The following FSTL5 variants were observed in gnomAD, a reference collection of about 807,000 sequenced individuals.
FSTL5 encodes the protein follistatin-related protein 5.
FSTL5 carries 62 observed loss-of-function variants against 89.1 expected under a neutral mutation model. That is an observed-to-expected ratio of 0.70 (90% CI 0.57 to 0.86). FSTL5 has a LOEUF of 0.86. Ranked by LOEUF, FSTL5 falls within the 40% of genes least tolerant of loss-of-function variation. The probability of loss-of-function intolerance (pLI) is 0.00; values close to 1 mark genes in which losing one functional copy is unlikely to be tolerated. For synonymous variants in FSTL5, 383 were observed against 346.2 expected (o/e 1.11, Z -1.18); for missense variants, 1,057 against 1,001.6 (o/e 1.06, Z -0.75).
chr4:161,778,867 A>G (rs1294448271), intron 4 of FSTL5, among the ~76,000 whole-genome samples: 1 of 152,228 alleles, frequency 6.6e-6, no homozygotes, highest in Non-Finnish European at 1.5e-5. Context: ...TGCATCAGGA[A>G]GGAGAGAAAT....
At chr4:161,453,694 A>C (rs555344955) in intron 15 of FSTL5, among the ~76,000 whole-genome samples, 2 of 152,150 alleles carry the variant, frequency 1.3e-5, no homozygotes, top group African/African-American at 2.4e-5. Context: ...TCTCAGGATC[A>C]AGCAATCCTC....
chr4:161,947,483 G>A (rs1310627699), intron 3 of FSTL5, among the ~76,000 whole-genome samples: 3 of 152,138 alleles, frequency 2.0e-5, no homozygotes, highest in Admixed American at 6.5e-5. Context: ...CCAGACATAT[G>A]TGTTTTAAAT....
chr4:161,829,371 T>C lies in FSTL5; in HGVS notation c.410-53297A>G, dbSNP rs560970707. 2.6e-5 allele frequency among the ~76,000 whole-genome samples: 4 copies of C among 151,170 alleles called. No homozygotes were observed. In the East Asian group the frequency reaches 7.8e-4, roughly 29 times the overall value. ...AAAATGAAGTAATTTTTTTTCAAGA[T>C]TGTCAGTGAATAGAAGGAGTTCTGC... On this transcript the variant is annotated intron_variant, in intron 4 of 15. Coordinates refer to ENST00000306100, the MANE Select transcript of FSTL5 (RefSeq NM_020116.5).
At chr4:161,533,888 T>A (rs1287507990) in intron 10 of FSTL5, among the ~76,000 whole-genome samples, 1 of 152,000 alleles carries the variant, frequency 6.6e-6, no homozygotes, top group Non-Finnish European at 1.5e-5. Flanking sequence ...TTCATCATGA[T>A]CAAGTATGCT....
chr4:161,409,388 A>AT (rs1176111927), intron 15 of FSTL5, among the ~76,000 whole-genome samples: 1 of 151,856 alleles, frequency 6.6e-6, no homozygotes, highest in African/African-American at 2.4e-5. Flanking sequence ...TATTATTATT[A>AT]TTATTATTTT....
chr4:161,550,426 T>C (rs1732159294), intron 8 of FSTL5, among the ~76,000 whole-genome samples: 1 of 151,894 alleles, frequency 6.6e-6, no homozygotes. Context: ...CCTGGTGACA[T>C]AAAGCACACG....
At chr4:161,413,273 A>T (rs1399956453) in intron 15 of FSTL5, among the ~76,000 whole-genome samples, 6 of 56,454 alleles carry the variant, frequency 1.1e-4, no homozygotes, top group African/African-American at 3.1e-4. Flanking sequence ...AAAAAAAAAA[A>T]AAAAAAAAAA....
intron 3 of FSTL5, among the ~76,000 whole-genome samples, chr4:162,012,799 G>A (rs181220365): frequency 3.3e-5 from 5 of 151,916 alleles, no homozygotes; most frequent in Admixed American, 2.6e-4. Context: ...AAATTTTTTT[G>A]CAAAATTAAG....
chr4:161,854,250 C>T (rs1579143594), intron 4 of FSTL5, among the ~76,000 whole-genome samples: 1 of 152,224 alleles, frequency 6.6e-6, no homozygotes, highest in East Asian at 1.9e-4. Flanking sequence ...ACATTCACTT[C>T]CCAACTGAGA....
chr4:161,538,629 C>T (rs548501583), intron 9 of FSTL5, among the ~76,000 whole-genome samples: 1 of 152,216 alleles, frequency 6.6e-6, no homozygotes, highest in South Asian at 2.1e-4. Context: ...TCAGAACCTA[C>T]ATTCCCCTAA....
At chr4:161,945,401 TC>T (rs1321282790) in intron 3 of FSTL5, among the ~76,000 whole-genome samples, 2 of 152,206 alleles carry the variant, frequency 1.3e-5, no homozygotes, top group African/African-American at 4.8e-5. Flanking sequence ...TTTCTCTAGA[TC>T]CTTTTATTGA....
chr4:161,441,929 C>T (rs780393844), intron 15 of FSTL5, among the ~76,000 whole-genome samples: 1 of 152,034 alleles, frequency 6.6e-6, no homozygotes, highest in Non-Finnish European at 1.5e-5. Context: ...TAGGGCTATT[C>T]GCTAACATAA....
intron 7 of FSTL5, among the ~76,000 whole-genome samples, chr4:161,643,071 AT>A (rs1289812352): frequency 1.3e-5 from 2 of 152,136 alleles, no homozygotes; most frequent in South Asian, 2.1e-4. Context: ...ATGAGTTAAT[AT>A]TTTTTTAAAT....
At chr4:161,457,851 C>T (rs77472550) in intron 14 of FSTL5, among the ~76,000 whole-genome samples, 287 of 152,066 alleles carry the variant, frequency 1.9e-3, no homozygotes, top group African/African-American at 6.5e-3. Flanking sequence ...TAAAAGTTGC[C>T]CACTGTGAAG....
intron 4 of FSTL5, among the ~76,000 whole-genome samples, chr4:161,872,728 G>A (rs1319411733): frequency 6.6e-6 from 1 of 152,174 alleles, no homozygotes; most frequent in Non-Finnish European, 1.5e-5. Context: ...CCATTAAACA[G>A]AAAGAATATA....
At chr4:161,621,952 G>A (rs556644272) in intron 7 of FSTL5, among the ~76,000 whole-genome samples, 152 of 151,484 alleles carry the variant, frequency 1.0e-3, no homozygotes, top group Middle Eastern at 3.4e-3. Flanking sequence ...AGCCAAGATC[G>A]CACCACTGCA....
chr4:161,498,711 C>G (rs1214874138), intron 12 of FSTL5, among the ~76,000 whole-genome samples: 2 of 152,082 alleles, frequency 1.3e-5, no homozygotes, highest in Non-Finnish European at 2.9e-5. Flanking sequence ...GTATTGAACA[C>G]CACACTACCT....
intron 2 of FSTL5, among the ~76,000 whole-genome samples, chr4:162,048,725 A>G (rs1738286867): frequency 6.6e-6 from 1 of 152,148 alleles, no homozygotes; most frequent in African/African-American, 2.4e-5. Context: ...GGATGCATAG[A>G]TGTCAATAAG....
At chr4:161,423,464 C>T (rs563934024) in intron 15 of FSTL5, among the ~76,000 whole-genome samples, 8 of 151,922 alleles carry the variant, frequency 5.3e-5, no homozygotes, top group Admixed American at 2.0e-4. Flanking sequence ...TAAAATTTTT[C>T]GTTATGTTTT....
Sources: allele counts gnomAD v4.1 joint callset (sites outside exome capture counted in the v4.1 genomes callset), GRCh38; gene constraint gnomAD v4.1.1; transcripts MANE v1.5; gene names NCBI Gene and HGNC (gene_info 2026-07-23, HGNC 2026-07-21).